The following RILPL1 variants were observed in gnomAD, a reference collection of about 807,000 sequenced individuals.
RILPL1 encodes RILP-like protein 1.
RILPL1 carries 33 observed loss-of-function variants against 50.3 expected under a neutral mutation model. The observed-to-expected ratio is 0.66, with a 90% CI of 0.50 to 0.88. RILPL1 has a LOEUF of 0.88. Ranked by LOEUF, RILPL1 falls within the 40% of genes least tolerant of loss-of-function variation. RILPL1 has a pLI of 0.00. For missense variants in RILPL1, 418 were observed against 542.5 expected, an observed-to-expected ratio of 0.77 and a Z score of 2.28; for synonymous variants, 205 against 228.6, an observed-to-expected ratio of 0.90 and a Z score of 0.93.
chr12:123,472,897 C>T (rs928716167), intron 6 of RILPL1: 10 of 540,862 alleles, frequency 1.8e-5, no homozygotes, highest in South Asian at 8.2e-5. Flanking sequence ...GGAGGTCACG[C>T]GGTATGGGCA....
At position 123,485,764 on chromosome 12, in the gene RILPL1, C is replaced by A. The variant is rs1279999893; in HGVS notation, c.843G>T (p.Lys281Asn). 1 of 1,611,988 alleles carries A rather than the reference C, an allele frequency of 6.2e-7. No individual in the cohort carries two copies. Among genetic ancestry groups the A allele is most frequent in the African/African-American group, 1.3e-5 (1 of 74,902 alleles). Residue 281 changes from lysine (K) to asparagine (N), a missense_variant, in exon 5 of 7, where the codon AAG becomes AAT. By Grantham distance (94) the Lys-to-Asn change is moderately conservative. Coordinates refer to ENST00000376874, the MANE Select transcript of RILPL1 (RefSeq NM_178314.5). The surrounding 1 kb of genome is among the most constrained non-coding windows in gnomAD (Gnocchi z 4.0). ...VGEESISDAEKVAMDLKDPNR... is the reference protein window; with the variant it reads ...VGEESISDAENVAMDLKDPNR... ...TGGGGTCCTTGAGATCCATGGCCAC[C>A]TTCTCTGCGTCGGAGATGCTCTCCT...
At chr12:123,487,693 G>C (rs1483006391) in intron 4 of RILPL1, among the ~76,000 whole-genome samples, 1 of 152,200 alleles carries the variant, frequency 6.6e-6, no homozygotes, top group Non-Finnish European at 1.5e-5. Flanking sequence ...ACGGACATCA[G>C]AGTGGTTTCC....
chr12:123,526,654 A>G (rs1885271064), intron 1 of RILPL1, among the ~76,000 whole-genome samples: 1 of 152,236 alleles, frequency 6.6e-6, no homozygotes, highest in South Asian at 2.1e-4. Flanking sequence ...CATCTTCTAA[A>G]TAAGTTCTCA....
intron 2 of RILPL1, among the ~76,000 whole-genome samples, chr12:123,520,715 C>T (rs1020875022): frequency 6.6e-6 from 1 of 152,172 alleles, no homozygotes; most frequent in Non-Finnish European, 1.5e-5. Flanking sequence ...ACGCAAGCCC[C>T]AGAATGTGCC....
rs985335916 is a variant in RILPL1 at position 123,504,329 on chromosome 12, C to G, written c.461-4793G>C. Among the ~76,000 whole-genome samples, 4 of 152,064 alleles carry G rather than the reference C, an allele frequency of 2.6e-5. No homozygotes were observed. In the East Asian group the frequency reaches 5.8e-4, roughly 22 times the overall value. ...ATTTCTTTGGCATGACTTTCCCCCC[C>G]GGGTGCGCCATTGCATCAGAGTCCT... On this transcript the variant is annotated intron_variant, in intron 2 of 6. Transcript: ENST00000376874.
intron 4 of RILPL1, among the ~76,000 whole-genome samples, chr12:123,497,612 G>A (rs1462724058): frequency 6.6e-6 from 1 of 152,042 alleles, no homozygotes; most frequent in African/African-American, 2.4e-5. Context: ...GGCTGATCCT[G>A]AACTCCTGAC....
intron 6 of RILPL1, chr12:123,475,082 T>A (rs1027253760): frequency 6.5e-6 from 1 of 153,642 alleles, no homozygotes; most frequent in African/African-American, 2.4e-5. Context: ...GCTCCTTCCA[T>A]AGAGTAATCC....
At chr12:123,504,329 C>A (rs985335916) in intron 2 of RILPL1, among the ~76,000 whole-genome samples, 4 of 152,064 alleles carry the variant, frequency 2.6e-5, no homozygotes, top group African/African-American at 9.6e-5. Flanking sequence ...CTTTCCCCCC[C>A]GGGTGCGCCA....
At chr12:123,488,081 C>A (rs1021442944) in intron 4 of RILPL1, among the ~76,000 whole-genome samples, 1 of 152,096 alleles carries the variant, frequency 6.6e-6, no homozygotes, top group Non-Finnish European at 1.5e-5. Context: ...GAGGTCAGGA[C>A]AGCAGTGAAA....
chr12:123,491,633 G>A lies in RILPL1; in HGVS notation c.802-5828C>T, dbSNP rs761031750. 8.5e-5 allele frequency among the ~76,000 whole-genome samples: 13 copies of A among 152,200 alleles called. No individual in the cohort carries two copies. The highest frequency in any genetic ancestry group is 2.9e-4 in the African/African-American group (12 of 41,444). ...TAAATTCAATGCATAAATTCTGCCC[G>A]CCTTTCAGCCAGCATACGCCTGTCT... On this transcript the variant is annotated intron_variant, in intron 4 of 6. Coordinates refer to ENST00000376874, the MANE Select transcript of RILPL1 (RefSeq NM_178314.5). The surrounding 1 kb of genome is among the most constrained non-coding windows in gnomAD (Gnocchi z 4.0).
At chr12:123,530,644 A>G (rs1885413060) in intron 1 of RILPL1, among the ~76,000 whole-genome samples, 1 of 152,230 alleles carries the variant, frequency 6.6e-6, no homozygotes, top group Non-Finnish European at 1.5e-5. Context: ...TATTCGCTGA[A>G]TGAGTGAATG....
At chr12:123,504,188 G>A (rs1407390726) in intron 2 of RILPL1, among the ~76,000 whole-genome samples, 7 of 152,086 alleles carry the variant, frequency 4.6e-5, no homozygotes, top group Admixed American at 2.0e-4. Context: ...GCCTGCAATG[G>A]CCAGGCTCAA....
At position 123,522,865 on chromosome 12, in the gene RILPL1, T is replaced by C. The variant is rs192774968; in HGVS notation, c.460+630A>G. On this transcript the variant is annotated intron_variant, in intron 2 of 6. Coordinates refer to ENST00000376874, the MANE Select transcript of RILPL1 (RefSeq NM_178314.5). The surrounding 1 kb of genome is among the most constrained non-coding windows in gnomAD (Gnocchi z 4.0). Reference sequence around the variant, plus strand: ...GCTTCAGCCTCCCAAAGTGCTGGGATCACAGGTGTGAGCCACTGCGCGCGG... The same window carrying C: ...GCTTCAGCCTCCCAAAGTGCTGGGACCACAGGTGTGAGCCACTGCGCGCGG... Among the ~76,000 whole-genome samples, 94 of 152,310 alleles carry C rather than the reference T, an allele frequency of 6.2e-4. No homozygotes were observed. The highest frequency in any genetic ancestry group is 2.1e-3 in the African/African-American group (88 of 41,558).
At chr12:123,530,326 C>T (rs1331711866) in intron 1 of RILPL1, among the ~76,000 whole-genome samples, 8 of 152,078 alleles carry the variant, frequency 5.3e-5, no homozygotes, top group African/African-American at 1.9e-4. Context: ...CCACCATGCC[C>T]GGCTAATTTT....
intron 1 of RILPL1, among the ~76,000 whole-genome samples, chr12:123,532,352 G>C (rs1473900949): frequency 6.6e-6 from 1 of 152,168 alleles, no homozygotes; most frequent in African/African-American, 2.4e-5. Flanking sequence ...CCCTGATTCA[G>C]AGAGACTCCT....
At chr12:123,492,572 C>T (rs1479140934) in intron 4 of RILPL1, among the ~76,000 whole-genome samples, 1 of 152,132 alleles carries the variant, frequency 6.6e-6, no homozygotes, top group Non-Finnish European at 1.5e-5. Flanking sequence ...TAGAAAGAGC[C>T]TTGTCTCCTG....
intron 6 of RILPL1, among the ~76,000 whole-genome samples, chr12:123,478,965 C>A (rs1881782788): frequency 6.6e-6 from 1 of 152,194 alleles, no homozygotes; most frequent in Non-Finnish European, 1.5e-5. Flanking sequence ...GGAACATCTT[C>A]CGGGCACACT....
At chr12:123,501,466 A>G (rs1883376985) in intron 2 of RILPL1, among the ~76,000 whole-genome samples, 1 of 151,460 alleles carries the variant, frequency 6.6e-6, no homozygotes, top group Non-Finnish European at 1.5e-5. Flanking sequence ...AAACAAACAA[A>G]CAAAAAACCT....
intron 2 of RILPL1, among the ~76,000 whole-genome samples, chr12:123,502,332 C>T (rs1471483891): frequency 6.6e-6 from 1 of 152,226 alleles, no homozygotes; most frequent in Non-Finnish European, 1.5e-5. Flanking sequence ...TAGCAGAAGT[C>T]TTTTTGTGTA....
Sources: allele counts gnomAD v4.1 joint callset (sites outside exome capture counted in the v4.1 genomes callset), GRCh38; gene constraint gnomAD v4.1.1; non-coding constraint Gnocchi (gnomAD v3.1); transcripts MANE v1.5; gene names NCBI Gene and HGNC (gene_info 2026-07-23, HGNC 2026-07-21).